The following EYS variants were observed in gnomAD, a reference collection of about 807,000 sequenced individuals.
EYS encodes protein eyes shut homolog.
A neutral mutation model predicts 282.1 loss-of-function variants in EYS; 250 were observed. The ratio of observed to expected loss-of-function variants is 0.89; its 90% CI spans 0.80 to 0.98. EYS has a LOEUF of 0.98. Among genes scored for constraint, EYS ranks in the 50% least tolerant of loss-of-function variants. EYS has a pLI of 0.00. For synonymous variants in EYS, 1,355 were observed against 1,282.9 expected (o/e 1.06, Z -1.20); for missense variants, 4,016 against 3,709.0 (o/e 1.08, Z -2.15).
chr6:65,523,952 A>G (rs1186990979), intron 2 of EYS, among the ~76,000 whole-genome samples: 1 of 152,138 alleles, frequency 6.6e-6, no homozygotes, highest in African/African-American at 2.4e-5. Flanking sequence ...GCTCACTGCA[A>G]ACTCCGCCTC....
At chr6:64,584,063 GTTTA>G (rs1373705921) in intron 26 of EYS, among the ~76,000 whole-genome samples, 1 of 151,910 alleles carries the variant, frequency 6.6e-6, no homozygotes, top group East Asian at 1.9e-4. Flanking sequence ...AATTCTTGTA[GTTTA>G]TTTTAATCTA....
chr6:64,991,174 T>C (rs1312082758), intron 14 of EYS, among the ~76,000 whole-genome samples: 3 of 151,676 alleles, frequency 2.0e-5, no homozygotes, highest in African/African-American at 4.8e-5. Context: ...ACCATAGTTA[T>C]AAATGTAACA....
intron 22 of EYS, among the ~76,000 whole-genome samples, chr6:64,799,825 T>C (rs2150006891): frequency 6.6e-6 from 1 of 151,978 alleles, no homozygotes; most frequent in African/African-American, 2.4e-5. Flanking sequence ...TAAAGTAGAA[T>C]TGGACAGTTT....
intron 26 of EYS, among the ~76,000 whole-genome samples, chr6:64,574,004 T>C (rs1175580867): frequency 6.6e-6 from 1 of 152,090 alleles, no homozygotes; most frequent in Non-Finnish European, 1.5e-5. Flanking sequence ...CTATTCACAA[T>C]AGCAAAGACT....
intron 2 of EYS, among the ~76,000 whole-genome samples, chr6:65,538,509 T>C (rs886501521): frequency 6.6e-6 from 1 of 152,130 alleles, no homozygotes; most frequent in African/African-American, 2.4e-5. Flanking sequence ...AAATTGCTAT[T>C]TGTAAAACAA....
intron 30 of EYS, among the ~76,000 whole-genome samples, chr6:64,260,308 G>A (rs1347626856): frequency 6.6e-6 from 1 of 151,962 alleles, no homozygotes; most frequent in Admixed American, 6.6e-5. Context: ...TTATATTTAC[G>A]GGTGAAACAA....
intron 33 of EYS, among the ~76,000 whole-genome samples, chr6:64,064,281 T>C (rs186699251): frequency 1.1e-3 from 171 of 152,258 alleles, no homozygotes; most frequent in African/African-American, 4.0e-3. Context: ...AGTATAGTGC[T>C]ACAAGTAGAG....
chr6:64,485,853 C>T (rs1776566645), intron 26 of EYS, among the ~76,000 whole-genome samples: 1 of 151,242 alleles, frequency 6.6e-6, no homozygotes, highest in Admixed American at 6.6e-5. Flanking sequence ...TAGACTAGTG[C>T]CAATGTTTAC....
chr6:65,277,492 T>G (rs536846025), intron 12 of EYS, among the ~76,000 whole-genome samples: 2 of 151,600 alleles, frequency 1.3e-5, no homozygotes, highest in Admixed American at 1.3e-4. Context: ...TTTCCTCTTC[T>G]GCTATGTGAG....
chr6:65,032,363 T>C (rs919831115), intron 13 of EYS, among the ~76,000 whole-genome samples: 2 of 152,162 alleles, frequency 1.3e-5, no homozygotes, highest in Admixed American at 1.3e-4. Flanking sequence ...AAATCTCATA[T>C]TGAATGAAAT....
At chr6:64,393,004 A>G (rs1773211940) in intron 28 of EYS, among the ~76,000 whole-genome samples, 1 of 152,244 alleles carries the variant, frequency 6.6e-6, no homozygotes, top group Non-Finnish European at 1.5e-5. Flanking sequence ...AAACACCTCT[A>G]CGCAAATACT....
At chr6:65,633,861 C>G (rs192264146) in intron 2 of EYS, among the ~76,000 whole-genome samples, 6 of 152,122 alleles carry the variant, frequency 3.9e-5, no homozygotes, top group Non-Finnish European at 8.8e-5. Flanking sequence ...GCTGTTTTCC[C>G]GCTGCAATGG....
chr6:65,424,643 G>C (rs1767593880), intron 5 of EYS, among the ~76,000 whole-genome samples: 1 of 151,890 alleles, frequency 6.6e-6, no homozygotes, highest in South Asian at 2.1e-4. Flanking sequence ...TTTGAGAGTA[G>C]GTATCCTAAG....
At chr6:65,645,410 T>C (rs1474581998) in intron 1 of EYS, among the ~76,000 whole-genome samples, 1 of 152,070 alleles carries the variant, frequency 6.6e-6, no homozygotes, top group Non-Finnish European at 1.5e-5. Context: ...TACATGGAAA[T>C]TAAATAAACT....
chr6:64,189,466 C>T (rs2150315720), intron 31 of EYS, among the ~76,000 whole-genome samples: 1 of 152,298 alleles, frequency 6.6e-6, no homozygotes. Context: ...TACATATTGC[C>T]CATGGCTGCT....
At chr6:64,069,492 T>C (rs1417878001) in intron 32 of EYS, among the ~76,000 whole-genome samples, 1 of 149,656 alleles carries the variant, frequency 6.7e-6, no homozygotes, top group Non-Finnish European at 1.5e-5. Flanking sequence ...TATATGTATT[T>C]TATGATAATG....
At chr6:64,455,775 G>C (rs1432038407) in intron 26 of EYS, among the ~76,000 whole-genome samples, 1 of 145,524 alleles carries the variant, frequency 6.9e-6, no homozygotes, top group Non-Finnish European at 1.5e-5. Context: ...CCCTGCAAAG[G>C]ACATGAAGTT....
At chr6:64,215,136 G>A (rs1004253882) in intron 31 of EYS, among the ~76,000 whole-genome samples, 5 of 151,940 alleles carry the variant, frequency 3.3e-5, no homozygotes, top group Non-Finnish European at 5.9e-5. Flanking sequence ...TTTCTTGAGA[G>A]TAATAAGTAT....
At chr6:64,476,946 T>G (rs1184766055) in intron 26 of EYS, among the ~76,000 whole-genome samples, 1 of 152,150 alleles carries the variant, frequency 6.6e-6, no homozygotes, top group East Asian at 1.9e-4. Flanking sequence ...AGTAGCCATA[T>G]TTTACTATTA....
Sources: gnomAD v4.1 joint callset for allele counts (sites outside exome capture counted in the v4.1 genomes callset) on GRCh38, gnomAD v4.1.1 for gene constraint, MANE v1.5 for transcripts, NCBI Gene and HGNC (gene_info 2026-07-23, HGNC 2026-07-21) for gene names.